CLASP1: variants seen among roughly 807,000 people sequenced by gnomAD.
The protein encoded by CLASP1 is cytoplasmic linker associated protein 1, also known as CLIP-associating protein 1.
CLASP1 carries 38 observed loss-of-function variants against 192.3 expected under a neutral mutation model. That is an observed-to-expected ratio of 0.20 (90% confidence interval 0.15 to 0.26). CLASP1 has a LOEUF of 0.26. CLASP1 is among the 10% of genes least tolerant of loss of function. CLASP1 has a pLI of 1.00. For synonymous variants in CLASP1, 691 were observed against 712.8 expected (o/e 0.97, Z 0.49); for missense variants, 1,433 against 1,932.5 (o/e 0.74, Z 4.85).
At chr2:121,369,725 C>G (rs1462737194) in intron 34 of CLASP1, among the ~76,000 whole-genome samples, 1 of 152,198 alleles carries the variant, frequency 6.6e-6, no homozygotes, top group Admixed American at 6.5e-5. Flanking sequence ...CATGTTTAAT[C>G]ACACCACTAC....
rs1346854760 is a variant in CLASP1, at chr2:121,469,878, A to G, written c.795T>C (p.Ser265=). ...TTCCCATTCCAACGTTTCTCCGAGA[A>G]CTTGGTGGAGCCTTGGATGATGTAG... Residue 265 remains serine, a synonymous_variant, in exon 9 of 40, where the codon AGT becomes AGC. Transcript: ENST00000263710. 4 of 1,613,818 alleles carry G rather than the reference A, an allele frequency of 2.5e-6. No individual in the cohort carries two copies. In the African/African-American group the frequency reaches 5.3e-5, roughly 22 times the overall value.
chr2:121,444,434 A>G (rs1040599047), intron 19 of CLASP1, among the ~76,000 whole-genome samples: 37 of 152,324 alleles, frequency 2.4e-4, no homozygotes, highest in Non-Finnish European at 4.1e-4. Flanking sequence ...AGAGAAAAAT[A>G]TATTTTTTTA....
At chr2:121,555,330 C>G (rs149031319) in intron 2 of CLASP1, among the ~76,000 whole-genome samples, 55 of 152,308 alleles carry the variant, frequency 3.6e-4, no homozygotes, top group Non-Finnish European at 6.0e-4. Context: ...CAGCCTGAGA[C>G]AGAAGTTGTG....
In CLASP1 at chr2:121,448,191, C is replaced by G. The variant is rs554619850; in HGVS notation, c.1741+85G>C. 2.5e-6 allele frequency: 3 copies of G among 1,215,400 alleles called. No individual in the cohort carries two copies. In the East Asian group the frequency reaches 7.0e-5, roughly 28 times the overall value. The allele number at this position is 1,215,400 out of a possible 1,614,324, so 75.3% of individuals were successfully genotyped here. A position where few individuals can be genotyped will look rare whatever the true frequency, so the allele number is the denominator to read the frequency against. On this transcript the variant is annotated intron_variant, in intron 18 of 39. Transcript: ENST00000263710. ...AAGGAACTGAGGGCAGGCCGTTGGC[C>G]TCCTGTGCCTGGGCAGCCTCTTGCA...
At chr2:121,340,895 C>T (rs1196943495) in exon 40 of CLASP1, 5 of 1,612,110 alleles carry the variant, frequency 3.1e-6, no homozygotes, top group South Asian at 1.1e-5. Context: ...GGAGGAGCTG[C>T]TGTTGCTGTT....
chr2:121,359,436 C>G (rs545581051), intron 37 of CLASP1, among the ~76,000 whole-genome samples: 1 of 152,176 alleles, frequency 6.6e-6, no homozygotes, highest in Admixed American at 6.5e-5. Flanking sequence ...AGTATCAATT[C>G]TCTTATTTAA....
At position 121,470,851 on chromosome 2, in the gene CLASP1, A is replaced by C. The variant is rs944235780; in HGVS notation, c.713-891T>G. ...CCAACATTTAATATTACCATTTTTAAACTTTAATCAATCTGACAGGTGAAA... is the reference window on the plus strand; with the variant it reads ...CCAACATTTAATATTACCATTTTTACACTTTAATCAATCTGACAGGTGAAA... On this transcript the variant is annotated intron_variant, in intron 8 of 39. Coordinates refer to ENST00000263710, the Ensembl canonical transcript of CLASP1. 2.6e-5 allele frequency among the ~76,000 whole-genome samples: 4 copies of C among 152,326 alleles called. No homozygotes were observed. The East Asian group carries it at 7.7e-4, about 29-fold the overall frequency.
At position 121,500,392 on chromosome 2, in the gene CLASP1, GAA is replaced by G. The variant is rs768936129; in HGVS notation, c.712+2773_712+2774del. Among the ~76,000 whole-genome samples the G allele has an allele frequency of 1.1e-4, 12 of 112,276 alleles. No homozygotes were observed. The East Asian group carries it at 2.4e-3, about 23-fold the overall frequency. The allele number at this position is 112,276 out of a possible 152,430, so 73.7% of individuals were successfully genotyped here. On this transcript the variant is annotated intron_variant, in intron 8 of 39. Transcript: ENST00000263710. Reference sequence around the variant, plus strand: ...AGAAAGAAAGAAAGAAAGAAAGAAAGAAAGAAAAGAAAGAAAGAAAGAAAAAA... The same window carrying G: ...AGAAAGAAAGAAAGAAAGAAAGAAAGAGAAAAGAAAGAAAGAAAGAAAAAA...
intron 9 of CLASP1, among the ~76,000 whole-genome samples, chr2:121,465,711 A>C (rs1349063603): frequency 6.6e-6 from 1 of 152,226 alleles, no homozygotes; most frequent in Non-Finnish European, 1.5e-5. Context: ...CCGCATCGCC[A>C]AGTCAATCCT....
intron 30 of CLASP1, among the ~76,000 whole-genome samples, chr2:121,389,859 T>C (rs547130145): frequency 2.6e-5 from 4 of 152,172 alleles, no homozygotes; most frequent in Non-Finnish European, 5.9e-5. Context: ...ATCATTTAAA[T>C]ATACATTTTT....
At chr2:121,537,771 G>A (rs550855221) in intron 2 of CLASP1, among the ~76,000 whole-genome samples, 2 of 152,114 alleles carry the variant, frequency 1.3e-5, no homozygotes, top group South Asian at 2.1e-4. Flanking sequence ...CAATTTTAGT[G>A]ACTGTCCTGG....
chr2:121,449,034 T>C (rs1250589487), exon 17 of CLASP1: 1 of 1,614,016 alleles, frequency 6.2e-7, no homozygotes, highest in Non-Finnish European at 8.5e-7. Context: ...CAGGTGGGAC[T>C]GCAGGGCTTT....
At chr2:121,426,394 A>G (rs530767087) in intron 21 of CLASP1, among the ~76,000 whole-genome samples, 2 of 152,326 alleles carry the variant, frequency 1.3e-5, no homozygotes, top group South Asian at 2.1e-4. Flanking sequence ...AAAAAATGAT[A>G]AAAGTACAGG....
At chr2:121,457,464 C>CACAG (rs1236523627) in intron 14 of CLASP1, among the ~76,000 whole-genome samples, 1 of 151,244 alleles carries the variant, frequency 6.6e-6, no homozygotes, top group East Asian at 1.9e-4. Flanking sequence ...GACATACACA[C>CACAG]ACACACACAC....
At chr2:121,430,046 A>C in intron 20 of CLASP1, 27 bp downstream of exon 20, 1 of 1,500,718 alleles carries the variant, frequency 6.7e-7, no homozygotes, top group African/African-American at 1.4e-5. Flanking sequence ...AACTGAGGTA[A>C]GCAAGAGCAT....
At chr2:121,612,718 G>A (rs1226510548) in intron 1 of CLASP1, among the ~76,000 whole-genome samples, 4 of 152,158 alleles carry the variant, frequency 2.6e-5, no homozygotes, top group Non-Finnish European at 1.5e-5. Context: ...ACCTATGCCT[G>A]AGCTAAGTAA....
chr2:121,452,126 A>C (rs1229370881), intron 14 of CLASP1, among the ~76,000 whole-genome samples: 1 of 152,236 alleles, frequency 6.6e-6, no homozygotes, highest in Non-Finnish European at 1.5e-5. Context: ...AACATCACTG[A>C]AAGGACTTAC....
At chr2:121,530,095 C>CG (rs1410690374) in intron 3 of CLASP1, among the ~76,000 whole-genome samples, 152 bp downstream of exon 3, 1 of 19,152 alleles carries the variant, frequency 5.2e-5, no homozygotes, top group African/African-American at 2.0e-4. Flanking sequence ...CGGGGGAGGG[C>CG]GGGGACTGGC....
intron 8 of CLASP1, among the ~76,000 whole-genome samples, chr2:121,491,019 G>T (rs759289179): frequency 5.9e-5 from 9 of 152,176 alleles, no homozygotes; most frequent in Admixed American, 3.9e-4. Context: ...CTTTGTCCTA[G>T]CCACACTGGG....
Sources: allele counts gnomAD v4.1 joint callset (sites outside exome capture counted in the v4.1 genomes callset), GRCh38; gene constraint gnomAD v4.1.1; transcripts MANE v1.5; gene names NCBI Gene and HGNC (gene_info 2026-07-23, HGNC 2026-07-21).